The following MYO16 variants were observed in gnomAD, a reference collection of about 807,000 sequenced individuals.
MYO16 encodes the protein unconventional myosin-XVI.
Under a neutral mutation model 205.3 loss-of-function variants are expected in MYO16, and 94 were observed. The observed-to-expected ratio is 0.46, with a 90% CI of 0.39 to 0.54. The LOEUF (loss-of-function observed/expected upper bound fraction) is 0.54. Among genes scored for constraint, MYO16 ranks in the 20% least tolerant of loss-of-function variants. The pLI is 0.00. For missense variants in MYO16, 2,315 were observed against 2,387.5 expected, an observed-to-expected ratio of 0.97 and a Z score of 0.63; for synonymous variants, 988 against 954.0, an observed-to-expected ratio of 1.04 and a Z score of -0.66.
rs192463950 is a variant in MYO16, at chr13:109,127,068, A to G, written c.3783-214A>G. On this transcript the variant is annotated intron_variant, in intron 30 of 34. Transcript: ENST00000457511. This position sits in a 1 kb window ranked among gnomAD's most constrained non-coding sequence, Gnocchi z 4.2. ...ATCATGATGGATATCCCGCGGGCTC[A>G]TGTGCTTTTCATCACAAAGCCGGAG... 1.9e-3 allele frequency among the ~76,000 whole-genome samples: 294 copies of G among 152,248 alleles called. 1 individual carries two copies. The highest frequency in any genetic ancestry group is 3.5e-3 in the Non-Finnish European group (238 of 68,016).
At chr13:109,075,050 T>G (rs1267469907) in intron 27 of MYO16, among the ~76,000 whole-genome samples, 1 of 152,216 alleles carries the variant, frequency 6.6e-6, no homozygotes, top group Non-Finnish European at 1.5e-5. Flanking sequence ...TCCGTTCTTT[T>G]TTATTGCTGA....
intron 2 of MYO16, among the ~76,000 whole-genome samples, chr13:108,690,215 A>G (rs886461595): frequency 1.3e-5 from 2 of 151,980 alleles, no homozygotes; most frequent in African/African-American, 4.8e-5. Context: ...TGGGAGCTGC[A>G]ACCATCAACA....
intron 4 of MYO16, among the ~76,000 whole-genome samples, chr13:108,760,521 G>A (rs1885571521): frequency 6.6e-6 from 1 of 151,484 alleles, no homozygotes; most frequent in African/African-American, 2.4e-5. Flanking sequence ...TACTTGCTGG[G>A]GCAGTAAAAA....
the MYO16 span, among the ~76,000 whole-genome samples, chr13:108,529,009 T>A: frequency 1.3e-5 from 2 of 151,900 alleles, no homozygotes; most frequent in Non-Finnish European, 2.9e-5. Flanking sequence ...TTCCCTTTCA[T>A]CTCTCTCTTT....
At chr13:108,816,118 A>G (rs1875587075) in intron 7 of MYO16, among the ~76,000 whole-genome samples, 2 of 152,210 alleles carry the variant, frequency 1.3e-5, no homozygotes, top group African/African-American at 4.8e-5. Flanking sequence ...TTTACATGGC[A>G]TTCACAAAAA....
chr13:109,193,289 AG>A (rs1398567537), intron 34 of MYO16, among the ~76,000 whole-genome samples: 1 of 152,218 alleles, frequency 6.6e-6, no homozygotes, highest in Non-Finnish European at 1.5e-5. Flanking sequence ...ATATTTTAAT[AG>A]GTTCAGCATT....
intron 1 of MYO16, among the ~76,000 whole-genome samples, chr13:108,605,141 A>G (rs1266374284): frequency 6.6e-6 from 1 of 152,180 alleles, no homozygotes; most frequent in Admixed American, 6.5e-5. Flanking sequence ...ATGCTTGTTC[A>G]GTTTTATATG....
At chr13:108,923,054 A>G (rs1881817840) in intron 16 of MYO16, among the ~76,000 whole-genome samples, 1 of 152,196 alleles carries the variant, frequency 6.6e-6, no homozygotes, top group South Asian at 2.1e-4. Context: ...TCTCTTACGC[A>G]CTTCACAATT....
At chr13:108,729,057 T>C (rs143965209) in intron 4 of MYO16, among the ~76,000 whole-genome samples, 3 of 151,422 alleles carry the variant, frequency 2.0e-5, no homozygotes, top group African/African-American at 7.3e-5. Flanking sequence ...AGATGGAGGG[T>C]ATATTAAGGA....
At chr13:108,605,126 G>T (rs555383326) in intron 1 of MYO16, among the ~76,000 whole-genome samples, 83 of 152,264 alleles carry the variant, frequency 5.5e-4, no homozygotes, top group African/African-American at 1.8e-3. Context: ...CTGTATCACA[G>T]TTATATGCTT....
At chr13:108,909,975 A>C in intron 15 of MYO16, 28 bp from the exon 16 acceptor site, 3 of 1,602,104 alleles carry the variant, frequency 1.9e-6, no homozygotes, top group Non-Finnish European at 2.6e-6. Flanking sequence ...CTGCCATTTA[A>C]CAGAATCACT....
chr13:108,606,123 T>C (rs1469256555), intron 1 of MYO16, among the ~76,000 whole-genome samples: 1 of 152,136 alleles, frequency 6.6e-6, no homozygotes, highest in Non-Finnish European at 1.5e-5. Flanking sequence ...TTGGCACTTA[T>C]GTTTAAAAGG....
chr13:108,798,222 AGG>A (rs1886849478), intron 6 of MYO16, among the ~76,000 whole-genome samples: 4 of 124,764 alleles, frequency 3.2e-5, no homozygotes, highest in African/African-American at 3.1e-5. Context: ...TGTGGAGATA[AGG>A]AGAAGAAGAC....
At chr13:109,189,674 A>AGT (rs1228065391) in intron 34 of MYO16, among the ~76,000 whole-genome samples, 2 of 152,212 alleles carry the variant, frequency 1.3e-5, no homozygotes, top group East Asian at 3.8e-4. Context: ...ACAGTCATAC[A>AGT]GGGAAAAAAT....
intron 16 of MYO16, among the ~76,000 whole-genome samples, chr13:108,910,900 T>C (rs1158259373): frequency 1.3e-5 from 2 of 152,000 alleles, no homozygotes; most frequent in Non-Finnish European, 2.9e-5. Context: ...TCTGAGGACA[T>C]GTGGATTGAC....
rs1876332828 is a variant in MYO16, at chr13:109,127,691, T to G, written c.4051+141T>G. The G allele has an allele frequency of 6.4e-6, 5 of 786,964 alleles. No individual in the cohort carries two copies. The South Asian group carries it at 8.2e-5, about 13-fold the overall frequency. The allele number at this position is 786,964 out of a possible 1,614,324, so 48.7% of individuals were successfully genotyped here. On this transcript the variant is annotated intron_variant, in intron 31 of 34. Transcript: ENST00000457511. The surrounding 1 kb of genome is among the most constrained non-coding windows in gnomAD (Gnocchi z 4.2). Reference sequence around the variant, plus strand: ...CAATTGTTGGCTTGCCAGCAGCTCTTAATCATTAAATATAAATAATATTTA... The same window carrying G: ...CAATTGTTGGCTTGCCAGCAGCTCTGAATCATTAAATATAAATAATATTTA...
At chr13:108,808,343 T>C (rs1191075084) in intron 7 of MYO16, among the ~76,000 whole-genome samples, 2 of 151,694 alleles carry the variant, frequency 1.3e-5, no homozygotes, top group East Asian at 1.9e-4. Flanking sequence ...AGAACCTTCT[T>C]TTTTTTTGCC....
intron 9 of MYO16, among the ~76,000 whole-genome samples, chr13:108,840,290 C>T (rs1205039628): frequency 3.3e-5 from 5 of 152,060 alleles, no homozygotes; most frequent in East Asian, 3.9e-4. Flanking sequence ...TTAATATTCC[C>T]GACTTTCCAT....
intron 16 of MYO16, among the ~76,000 whole-genome samples, chr13:108,947,917 C>A (rs1343534344): frequency 6.6e-6 from 1 of 152,168 alleles, no homozygotes; most frequent in Non-Finnish European, 1.5e-5. Flanking sequence ...TTATTAGATT[C>A]TGTTCTTTTC....
Sources: gnomAD v4.1 joint callset for allele counts (sites outside exome capture counted in the v4.1 genomes callset) on GRCh38, gnomAD v4.1.1 for gene constraint, Gnocchi (gnomAD v3.1) non-coding constraint, MANE v1.5 for transcripts, NCBI Gene and HGNC (gene_info 2026-07-23, HGNC 2026-07-21) for gene names.